The following PID1 variants were observed in gnomAD, a reference collection of about 807,000 sequenced individuals.
PID1 encodes phosphotyrosine interaction domain containing 1.
In PID1, 10 loss-of-function variants were observed where a neutral mutation model predicts 19.1. The ratio of observed to expected loss-of-function variants is 0.52; its 90% CI spans 0.32 to 0.89. PID1 has a LOEUF of 0.89. PID1 is among the 40% of genes least tolerant of loss of function. The probability of loss-of-function intolerance (pLI) is 0.03; values close to 1 mark genes in which losing one functional copy is unlikely to be tolerated. For synonymous variants in PID1, 130 were observed against 116.0 expected, an observed-to-expected ratio of 1.12 and a Z score of -0.78; for missense variants, 248 against 285.3, an observed-to-expected ratio of 0.87 and a Z score of 0.94.
chr2:229,120,379 T>A (rs1214037700), intron 2 of PID1, among the ~76,000 whole-genome samples: 1 of 152,022 alleles, frequency 6.6e-6, no homozygotes, highest in Non-Finnish European at 1.5e-5. Flanking sequence ...TATTAAAAAA[T>A]CATAAGGAAG....
At chr2:229,210,525 CAAAAAAAAAAAAAAAA>C (rs1170895327) in intron 1 of PID1, among the ~76,000 whole-genome samples, 3 of 15,534 alleles carry the variant, frequency 1.9e-4, no homozygotes, top group Non-Finnish European at 3.1e-4. Flanking sequence ...AGTTTTGTCT[CAAAAAAAAAAAAAAAA>C]AAAAAAAAAA....
intron 1 of PID1, among the ~76,000 whole-genome samples, chr2:229,189,085 T>C (rs1055604798): frequency 1.3e-5 from 2 of 152,200 alleles, no homozygotes; most frequent in Admixed American, 6.5e-5. Context: ...GAAAGTTCTC[T>C]TCGTGTCTAT....
chr2:229,138,789 A>T (rs571066574), intron 2 of PID1, among the ~76,000 whole-genome samples: 1 of 151,862 alleles, frequency 6.6e-6, no homozygotes, highest in Non-Finnish European at 1.5e-5. Context: ...GGGGCTAGAC[A>T]AGTTACTTAA....
At chr2:229,213,667 C>T (rs1691785496) in intron 1 of PID1, among the ~76,000 whole-genome samples, 1 of 152,120 alleles carries the variant, frequency 6.6e-6, no homozygotes, top group African/African-American at 2.4e-5. Context: ...GTCATATATC[C>T]CTGTGCCTCT....
intron 2 of PID1, among the ~76,000 whole-genome samples, chr2:229,128,927 G>C (rs1324688673): frequency 6.6e-6 from 1 of 152,128 alleles, no homozygotes; most frequent in Non-Finnish European, 1.5e-5. Flanking sequence ...ATAAATGCTC[G>C]AGGGGATGGA....
rs148091183 is a variant in PID1 at position 229,192,458 on chromosome 2, C to T, written c.31-36494G>A. Among the ~76,000 whole-genome samples, 1,045 of 152,164 alleles carry T rather than the reference C, an allele frequency of 6.9e-3. 15 individuals are homozygous for T. Among genetic ancestry groups the T allele is most frequent in the African/African-American group, 0.024 (991 of 41,514 alleles). On this transcript the variant is annotated intron_variant, in intron 1 of 2. Coordinates refer to ENST00000392055, the MANE Select transcript of PID1 (RefSeq NM_001100818.2). ...GATCTCTTTATGTAACTGACTTTGT[C>T]CTACTTCATAACTATAAAATTTATT...
At chr2:229,222,864 AACACACACACACACAC>A (rs72386398) in intron 1 of PID1, among the ~76,000 whole-genome samples, 1 of 103,904 alleles carries the variant, frequency 9.6e-6, no homozygotes, top group Non-Finnish European at 2.0e-5. Flanking sequence ...TTCACACACA[AACACACACACACACAC>A]ACACACACAC....
At chr2:229,040,973 T>C (rs1693759295) in intron 2 of PID1, among the ~76,000 whole-genome samples, 1 of 152,226 alleles carries the variant, frequency 6.6e-6, no homozygotes, top group Non-Finnish European at 1.5e-5. Context: ...AGAGTGGAAC[T>C]GGAGTAATTC....
rs539271752 is a variant in PID1, at chr2:229,242,606, C to A, written c.30+28408G>T. ...CAAAACCTCTGCCACCTCCTCAACC[C>A]CAAAGTCACTGCTTTAGATGACATC... is the stretch of plus-strand genomic sequence containing the variant. On this transcript the variant is annotated intron_variant, in intron 1 of 2. Transcript: ENST00000392055. 7.9e-5 allele frequency among the ~76,000 whole-genome samples: 12 copies of A among 152,202 alleles called. No homozygotes were observed. The South Asian group carries it at 2.5e-3, about 32-fold the overall frequency.
chr2:229,134,231 G>GTTTTTTTTTTTTTTTTTTTTTTT (rs60513006), intron 2 of PID1, among the ~76,000 whole-genome samples: 5 of 109,210 alleles, frequency 4.6e-5, no homozygotes, highest in African/African-American at 1.4e-4. Flanking sequence ...TACTACCTGT[G>GTTTTTTTTTTTTTTTTTTTTTTT]TTTTTTTTTT....
At chr2:229,107,490 C>A (rs1301730837) in intron 2 of PID1, among the ~76,000 whole-genome samples, 9 of 132,404 alleles carry the variant, frequency 6.8e-5, no homozygotes, top group Admixed American at 2.5e-4. Flanking sequence ...TCCTTTCACT[C>A]TAAATATATC....
At chr2:229,251,824 T>A (rs1690158293) in intron 1 of PID1, among the ~76,000 whole-genome samples, 1 of 151,834 alleles carries the variant, frequency 6.6e-6, no homozygotes, top group Non-Finnish European at 1.5e-5. Flanking sequence ...AAATCAACAA[T>A]ATGTCCATTT....
chr2:229,078,195 C>G (rs1034579890), intron 2 of PID1, among the ~76,000 whole-genome samples: 1 of 152,090 alleles, frequency 6.6e-6, no homozygotes, highest in Non-Finnish European at 1.5e-5. Context: ...TGATTTGGCT[C>G]TCTGTCTTTT....
intron 1 of PID1, among the ~76,000 whole-genome samples, chr2:229,205,303 C>A (rs571140650): frequency 6.6e-6 from 1 of 151,894 alleles, no homozygotes; most frequent in Admixed American, 6.6e-5. Context: ...TTACAGCTAT[C>A]TACCTGTGTA....
At chr2:229,132,999 G>A (rs1354356479) in intron 2 of PID1, among the ~76,000 whole-genome samples, 1 of 152,044 alleles carries the variant, frequency 6.6e-6, no homozygotes, top group Non-Finnish European at 1.5e-5. Flanking sequence ...TTAACCTGGC[G>A]ACATTAGGAA....
At position 229,060,123 on chromosome 2, in the gene PID1, T is replaced by C. The variant is rs146287717; in HGVS notation, c.178-34015A>G. ...CCATCACCAGGCTACATATTTTTGG[T>C]GGTGAAAATATTTAAAGTCTACTTT... On this transcript the variant is annotated intron_variant, in intron 2 of 2. Coordinates refer to ENST00000392055, the MANE Select transcript of PID1 (RefSeq NM_001100818.2). Among the ~76,000 whole-genome samples, 1,259 of 152,276 alleles carry C rather than the reference T, an allele frequency of 8.3e-3. 7 individuals are homozygous for C. Among genetic ancestry groups the C allele is most frequent in the Middle Eastern group, 0.031 (9 of 294 alleles).
At chr2:229,252,137 A>G (rs574036979) in intron 1 of PID1, among the ~76,000 whole-genome samples, 125 of 152,256 alleles carry the variant, frequency 8.2e-4, no homozygotes, top group African/African-American at 2.7e-3. Context: ...CCCTTGGGAA[A>G]GCCATAAAAA....
intron 2 of PID1, among the ~76,000 whole-genome samples, chr2:229,034,125 G>T (rs900067833): frequency 6.6e-6 from 1 of 152,124 alleles, no homozygotes; most frequent in African/African-American, 2.4e-5. Context: ...CACGAAGAAG[G>T]TATTAAAGGA....
chr2:229,179,880 C>G (rs551781364), intron 1 of PID1, among the ~76,000 whole-genome samples: 1 of 152,142 alleles, frequency 6.6e-6, no homozygotes, highest in African/African-American at 2.4e-5. Flanking sequence ...CTTGGCCACA[C>G]GGACCTCTGC....
Sources: gnomAD v4.1 joint callset for allele counts (sites outside exome capture counted in the v4.1 genomes callset) on GRCh38, gnomAD v4.1.1 for gene constraint, MANE v1.5 for transcripts, NCBI Gene and HGNC (gene_info 2026-07-23, HGNC 2026-07-21) for gene names.